CNOT6: variants seen among roughly 807,000 people sequenced by gnomAD.
CNOT6 encodes the protein carbon catabolite repression 4 protein.
In CNOT6, 12 loss-of-function variants were observed where a neutral mutation model predicts 61.2. The ratio of observed to expected loss-of-function variants is 0.20; its 90% CI spans 0.13 to 0.32. CNOT6 has a LOEUF of 0.32. Ranked by LOEUF, CNOT6 falls within the 10% of genes least tolerant of loss-of-function variation. The pLI, the probability that CNOT6 is intolerant of heterozygous loss-of-function variation, is 1.00. For missense variants in CNOT6, 405 were observed against 663.9 expected, an observed-to-expected ratio of 0.61 and a Z score of 4.28; for synonymous variants, 225 against 240.6, an observed-to-expected ratio of 0.94 and a Z score of 0.60.
chr5:180,517,545 T>C (rs1400911453), intron 1 of CNOT6, among the ~76,000 whole-genome samples: 1 of 152,152 alleles, frequency 6.6e-6, no homozygotes, highest in Admixed American at 6.5e-5. Context: ...GGCTTTTTTT[T>C]TCTTTTTTCT....
chr5:180,522,979 C>T (rs566966371), intron 1 of CNOT6, among the ~76,000 whole-genome samples: 27 of 152,256 alleles, frequency 1.8e-4, no homozygotes, highest in African/African-American at 6.0e-4. Flanking sequence ...GCTTTATAGC[C>T]GGTCATCAGA....
rs965686846 is a variant in CNOT6 at position 180,507,322 on chromosome 5, C to T, written c.-3+12559C>T. On this transcript the variant is annotated intron_variant, in intron 1 of 11. Coordinates refer to ENST00000261951, the MANE Select transcript of CNOT6 (RefSeq NM_001370472.1). ...TGAACAAGATATAGTTTTAGGGGCC[C>T]GGTGTGGTGGCTCACGCCTGTAATC... Among the ~76,000 whole-genome samples, 8 of 152,024 alleles carry T rather than the reference C, an allele frequency of 5.3e-5. No individual in the cohort carries two copies. The East Asian group carries it at 5.8e-4, about 11-fold the overall frequency.
chr5:180,496,746 G>A (rs747175095), intron 1 of CNOT6, among the ~76,000 whole-genome samples: 13 of 152,306 alleles, frequency 8.5e-5, no homozygotes, highest in Middle Eastern at 6.8e-3. Context: ...AAACGGTGAC[G>A]AAAGACAGAT....
intron 3 of CNOT6, among the ~76,000 whole-genome samples, chr5:180,552,437 C>T (rs113317605): frequency 0.021 from 3,224 of 151,462 alleles, 71 homozygotes; most frequent in East Asian, 0.036. Context: ...GTCTGGAGAT[C>T]GAGACCATCC....
At chr5:180,533,653 A>G (rs935097586) in intron 2 of CNOT6, among the ~76,000 whole-genome samples, 2 of 152,098 alleles carry the variant, frequency 1.3e-5, no homozygotes, top group Admixed American at 1.3e-4. Context: ...GGCCTCAAGC[A>G]GTCCTCCCGC....
At chr5:180,561,388 G>C (rs1400287585) in intron 4 of CNOT6, among the ~76,000 whole-genome samples, 1 of 139,090 alleles carries the variant, frequency 7.2e-6, no homozygotes, top group Non-Finnish European at 1.6e-5. Context: ...GTGTGTGTGT[G>C]TGTGTTTTCA....
intron 2 of CNOT6, among the ~76,000 whole-genome samples, chr5:180,530,098 T>C (rs1313623467): frequency 6.6e-6 from 1 of 152,252 alleles, no homozygotes; most frequent in African/African-American, 2.4e-5. Context: ...TTTGTGTTAC[T>C]GTTGGCCTAT....
intron 1 of CNOT6, among the ~76,000 whole-genome samples, chr5:180,497,233 G>C (rs1756649885): frequency 6.6e-6 from 1 of 151,688 alleles, no homozygotes; most frequent in Admixed American, 6.6e-5. Flanking sequence ...AGGCTGAGGT[G>C]GGAGAATGGC....
Position 180,516,774 on chromosome 5 carries a change from C to A in CNOT6, c.-2-12501C>A, listed in dbSNP as rs568397463. On this transcript the variant is annotated intron_variant, in intron 1 of 11. Coordinates refer to ENST00000261951, the MANE Select transcript of CNOT6 (RefSeq NM_001370472.1). ...TTGCATCTGATTATATTCCTTAATT[C>A]TCTTCAAATCTAGAATAGTGCTGAC... 5.9e-5 allele frequency among the ~76,000 whole-genome samples: 9 copies of A among 152,300 alleles called. No homozygotes were observed. In the South Asian group the frequency reaches 6.2e-4, roughly 11 times the overall value.
rs183242686 is a variant in CNOT6, at chr5:180,575,967, C to T, written c.*1767C>T. The stretch of plus-strand genomic sequence containing the variant: ...AATCTTGGTCTTGGACCTGTTTTTT[C>T]CTTTGAGGGTTTTTTGTTTTTTGTT... On this transcript the variant is annotated 3_prime_UTR_variant, in exon 12 of 12. Transcript: ENST00000261951. The T allele has an allele frequency of 3.4e-5, 5 of 148,844 alleles. No homozygotes were observed. The highest frequency in any genetic ancestry group is 3.5e-3 in the Middle Eastern group (1 of 282). The allele number at this position is 148,844 out of a possible 1,614,324, so 9.2% of individuals were successfully genotyped here. A position where few individuals can be genotyped will look rare whatever the true frequency, so the allele number is the denominator to read the frequency against.
chr5:180,504,746 AT>A (rs1448673902), intron 1 of CNOT6, among the ~76,000 whole-genome samples: 3 of 152,088 alleles, frequency 2.0e-5, no homozygotes, highest in African/African-American at 2.4e-5. Flanking sequence ...CTTTAAAGAG[AT>A]TTGCGGAACT....
chr5:180,514,848 T>C (rs1757560150), intron 1 of CNOT6, among the ~76,000 whole-genome samples: 1 of 152,164 alleles, frequency 6.6e-6, no homozygotes, highest in Non-Finnish European at 1.5e-5. Context: ...TTTTTTTCTA[T>C]GAAAACCTGA....
At chr5:180,572,192 A>G (rs1760783196) in intron 11 of CNOT6, among the ~76,000 whole-genome samples, 1 of 152,060 alleles carries the variant, frequency 6.6e-6, no homozygotes, top group Non-Finnish European at 1.5e-5. Flanking sequence ...TCTAAGATAC[A>G]TCTTTTTTCT....
intron 1 of CNOT6, among the ~76,000 whole-genome samples, chr5:180,498,376 A>G (rs1004150241): frequency 6.6e-6 from 1 of 152,260 alleles, no homozygotes; most frequent in Non-Finnish European, 1.5e-5. Flanking sequence ...ATAGGTGCAC[A>G]GAGTGCTGTG....
At chr5:180,497,283 C>T (rs1334103835) in intron 1 of CNOT6, among the ~76,000 whole-genome samples, 5 of 146,514 alleles carry the variant, frequency 3.4e-5, no homozygotes, top group Admixed American at 6.9e-5. Context: ...GCCAGGATCA[C>T]GCCACTGCAC....
At chr5:180,536,220 C>T (rs550330763) in intron 2 of CNOT6, among the ~76,000 whole-genome samples, 3 of 151,736 alleles carry the variant, frequency 2.0e-5, no homozygotes, top group African/African-American at 7.2e-5. Context: ...AGGATGGTCT[C>T]GATCTGCTGA....
chr5:180,540,423 C>G (rs2617262), intron 2 of CNOT6, among the ~76,000 whole-genome samples: 52,174 of 152,034 alleles, frequency 0.34, 9,789 homozygotes, highest in East Asian at 0.75. Flanking sequence ...CTCTGGCTCA[C>G]GATGGTTCGC....
chr5:180,566,836 A>G (rs1360552572), intron 7 of CNOT6, among the ~76,000 whole-genome samples: 1 of 151,350 alleles, frequency 6.6e-6, no homozygotes, highest in Non-Finnish European at 1.5e-5. Context: ...TATTTTTAGT[A>G]GAGATGGGGT....
intron 1 of CNOT6, among the ~76,000 whole-genome samples, chr5:180,527,302 T>C (rs1486026045): frequency 6.6e-6 from 1 of 152,244 alleles, no homozygotes; most frequent in Non-Finnish European, 1.5e-5. Context: ...TTAAGTCATT[T>C]ATTCCATATG....
Sources: allele counts gnomAD v4.1 joint callset (sites outside exome capture counted in the v4.1 genomes callset), GRCh38; gene constraint gnomAD v4.1.1; transcripts MANE v1.5; gene names NCBI Gene and HGNC (gene_info 2026-07-23, HGNC 2026-07-21).